The following ANKS1B variants were observed in gnomAD, a reference collection of about 807,000 sequenced individuals.
The protein encoded by ANKS1B is ankyrin repeat and sterile alpha motif domain containing 1B.
A neutral mutation model predicts 148.3 loss-of-function variants in ANKS1B; 36 were observed. That is an observed-to-expected ratio of 0.24 (90% CI 0.19 to 0.32). ANKS1B has a LOEUF of 0.32. Ranked by LOEUF, ANKS1B falls within the 10% of genes least tolerant of loss-of-function variation. The pLI, the probability that ANKS1B is intolerant of heterozygous loss-of-function variation, is 1.00. For missense variants in ANKS1B, 1,157 were observed against 1,542.6 expected (o/e 0.75, Z 4.19); for synonymous variants, 542 against 560.8 (o/e 0.97, Z 0.47).
chr12:99,815,715 C>T (rs2153671111), intron 2 of ANKS1B, among the ~76,000 whole-genome samples: 2 of 151,872 alleles, frequency 1.3e-5, no homozygotes, highest in Middle Eastern at 3.4e-3. Flanking sequence ...CATAGCTTAG[C>T]TCCCACTTAG....
At chr12:99,234,663 T>G (rs999911330) in intron 14 of ANKS1B, among the ~76,000 whole-genome samples, 6 of 152,142 alleles carry the variant, frequency 3.9e-5, no homozygotes, top group African/African-American at 1.4e-4. Context: ...TCATCCTCTA[T>G]TAGTATTCTC....
intron 16 of ANKS1B, among the ~76,000 whole-genome samples, chr12:99,060,399 T>C (rs1175089452): frequency 6.6e-6 from 1 of 152,054 alleles, no homozygotes; most frequent in Non-Finnish European, 1.5e-5. Flanking sequence ...GAACAACCCA[T>C]GCTCTGAGAC....
chr12:99,889,650 A>G (rs2092998371), intron 1 of ANKS1B, among the ~76,000 whole-genome samples: 2 of 152,248 alleles, frequency 1.3e-5, no homozygotes, highest in African/African-American at 4.8e-5. Flanking sequence ...AGAATACTTA[A>G]CAAAACACCA....
At chr12:98,860,272 A>AT (rs757416880) in intron 17 of ANKS1B, among the ~76,000 whole-genome samples, 14 of 152,240 alleles carry the variant, frequency 9.2e-5, no homozygotes, top group Non-Finnish European at 1.9e-4. Flanking sequence ...CAAATTTCGC[A>AT]TTGCATGCTG....
At chr12:99,316,907 C>T (rs928276797) in intron 12 of ANKS1B, among the ~76,000 whole-genome samples, 18 of 152,158 alleles carry the variant, frequency 1.2e-4, no homozygotes, top group Non-Finnish European at 1.5e-5. Flanking sequence ...GTTTTCCCAG[C>T]ACCATTTATT....
intron 4 of ANKS1B, among the ~76,000 whole-genome samples, chr12:99,788,935 T>C (rs7139091): frequency 0.65 from 99,028 of 151,992 alleles, 32,512 homozygotes; most frequent in South Asian, 0.72. Context: ...TGAGTGCCAA[T>C]TTAGCTGCAG....
chr12:99,093,209 A>G (rs557976257), intron 15 of ANKS1B: 1 of 152,336 alleles, frequency 6.6e-6, no homozygotes, highest in African/African-American at 2.4e-5. Context: ...ATTGAATTTC[A>G]CATAAATTAT....
At chr12:99,965,489 AT>A (rs1566099850) in intron 1 of ANKS1B, among the ~76,000 whole-genome samples, 2 of 152,232 alleles carry the variant, frequency 1.3e-5, no homozygotes, top group African/African-American at 4.8e-5. Context: ...AGGTAATTAT[AT>A]ATATAGAAGT....
Position 99,311,241 on chromosome 12 carries a change from C to T in ANKS1B, c.1757-64377G>A, listed in dbSNP as rs530420183. Among the ~76,000 whole-genome samples, 24 of 152,124 alleles carry T rather than the reference C, an allele frequency of 1.6e-4. 1 individual carries two copies. Among genetic ancestry groups the T allele is most frequent in the Admixed American group, 1.3e-3 (20 of 15,272 alleles). On this transcript the variant is annotated intron_variant, in intron 12 of 26. Coordinates refer to ENST00000683438, the MANE Select transcript of ANKS1B (RefSeq NM_001352186.2). Reference sequence around the variant, plus strand: ...AGCCCAGTGAGAAATTTACATTCTCCTGCTAAATGGGTTTCCTATAACATT... The same window carrying T: ...AGCCCAGTGAGAAATTTACATTCTCTTGCTAAATGGGTTTCCTATAACATT...
At position 99,631,287 on chromosome 12, in the gene ANKS1B, G is replaced by A. The variant is rs188166789; in HGVS notation, c.1272+23780C>T. ...CCCAGTTTCAGGTATTCTGTTATAA[G>A]TAACAGAAAATGAATTAATACAGAA... On this transcript the variant is annotated intron_variant, in intron 9 of 26. Coordinates refer to ENST00000683438, the MANE Select transcript of ANKS1B (RefSeq NM_001352186.2). Among the ~76,000 whole-genome samples, 1,220 of 152,194 alleles carry A rather than the reference G, an allele frequency of 8.0e-3. 15 individuals are homozygous for A. The highest frequency in any genetic ancestry group is 0.025 in the South Asian group (118 of 4,810).
chr12:99,690,078 C>T (rs991282755), intron 8 of ANKS1B, among the ~76,000 whole-genome samples: 7 of 152,056 alleles, frequency 4.6e-5, no homozygotes, highest in African/African-American at 1.2e-4. Context: ...CTTCACAGGG[C>T]GGCAGGACAG....
intron 1 of ANKS1B, among the ~76,000 whole-genome samples, chr12:99,891,540 C>T (rs1486282431): frequency 6.6e-6 from 1 of 151,868 alleles, no homozygotes; most frequent in Non-Finnish European, 1.5e-5. Flanking sequence ...TTTTAATTTG[C>T]ATTTGTCTAA....
At chr12:99,555,851 G>T (rs781056223) in intron 9 of ANKS1B, among the ~76,000 whole-genome samples, 6 of 152,094 alleles carry the variant, frequency 3.9e-5, no homozygotes, top group Admixed American at 1.3e-4. Flanking sequence ...TTTTGTTAAG[G>T]ATTTTTGCAT....
At chr12:99,518,103 T>A (rs2096840128) in intron 9 of ANKS1B, among the ~76,000 whole-genome samples, 1 of 152,186 alleles carries the variant, frequency 6.6e-6, no homozygotes, top group Non-Finnish European at 1.5e-5. Flanking sequence ...TTTTAATATA[T>A]TGTTGAATTC....
At chr12:99,243,482 A>T (rs1396611947) in intron 14 of ANKS1B, among the ~76,000 whole-genome samples, 1 of 152,218 alleles carries the variant, frequency 6.6e-6, no homozygotes, top group Non-Finnish European at 1.5e-5. Flanking sequence ...TTCCTCAAGG[A>T]TCTAGAACTA....
rs753224854 is a variant in ANKS1B at position 98,745,555 on chromosome 12, C to G, written c.*184G>C. On this transcript the variant is annotated 3_prime_UTR_variant, in exon 27 of 27. Coordinates refer to ENST00000683438, the MANE Select transcript of ANKS1B (RefSeq NM_001352186.2). ...CAGGGGTTGCGACTGGAAAGTCTTG[C>G]GTTTTCCATCACTGGTGCAGAAAGA... is the stretch of plus-strand genomic sequence containing the variant. The G allele has an allele frequency of 1.5e-6, 2 of 1,373,228 alleles. No individual in the cohort carries two copies. The highest frequency in any genetic ancestry group is 1.9e-6 in the Non-Finnish European group (2 of 1,061,976). The allele number at this position is 1,373,228 out of a possible 1,614,324, so 85.1% of individuals were successfully genotyped here.
intron 11 of ANKS1B, among the ~76,000 whole-genome samples, chr12:99,440,774 T>C (rs1159009255): frequency 6.6e-6 from 1 of 151,882 alleles, no homozygotes; most frequent in Non-Finnish European, 1.5e-5. Flanking sequence ...ACTCCTTCGT[T>C]ACAATGGATG....
At chr12:98,813,920 A>G (rs113090685) in intron 19 of ANKS1B, among the ~76,000 whole-genome samples, 7,077 of 151,190 alleles carry the variant, frequency 0.047, 229 homozygotes, top group East Asian at 0.091. Context: ...TTGCTCTGTC[A>G]CCCAGGCTGG....
At chr12:99,590,262 A>C (rs11109933) in intron 9 of ANKS1B, among the ~76,000 whole-genome samples, 2,295 of 94,266 alleles carry the variant, frequency 0.024, 50 homozygotes, top group African/African-American at 0.088. Flanking sequence ...ACCCACCCAC[A>C]CACACACACA....
Sources: gnomAD v4.1 joint callset for allele counts (sites outside exome capture counted in the v4.1 genomes callset) on GRCh38, gnomAD v4.1.1 for gene constraint, MANE v1.5 for transcripts, NCBI Gene and HGNC (gene_info 2026-07-23, HGNC 2026-07-21) for gene names.